The following HEATR5B variants were observed in gnomAD, a reference collection of about 807,000 sequenced individuals.
The protein encoded by HEATR5B is HEAT repeat-containing protein 5B.
A neutral mutation model predicts 224.1 loss-of-function variants in HEATR5B; 156 were observed. That is an observed-to-expected ratio of 0.70 (90% CI 0.61 to 0.80). The LOEUF (loss-of-function observed/expected upper bound fraction) is 0.80, where lower values mean the gene tolerates loss of function less well. Ranked by LOEUF, HEATR5B falls within the 30% of genes least tolerant of loss-of-function variation. The pLI, the probability that HEATR5B is intolerant of heterozygous loss-of-function variation, is 0.00. For missense variants in HEATR5B, 2,323 were observed against 2,535.5 expected (o/e 0.92, Z 1.80); for synonymous variants, 1,027 against 893.0 (o/e 1.15, Z -2.68).
At chr2:36,989,079 T>C (rs369802776) in intron 34 of HEATR5B, among the ~76,000 whole-genome samples, 1 of 152,146 alleles carries the variant, frequency 6.6e-6, no homozygotes, top group African/African-American at 2.4e-5. Context: ...GCTTATACAA[T>C]TCCTGTATTT....
intron 18 of HEATR5B, among the ~76,000 whole-genome samples, chr2:37,042,417 T>C (rs1482757293): frequency 6.6e-6 from 1 of 152,156 alleles, no homozygotes; most frequent in Non-Finnish European, 1.5e-5. Flanking sequence ...AGAACATCAG[T>C]TTGAAAAGTG....
chr2:36,982,216 C>CT (rs773023313), intron 35 of HEATR5B, among the ~76,000 whole-genome samples: 3 of 152,068 alleles, frequency 2.0e-5, no homozygotes, highest in Non-Finnish European at 4.4e-5. Context: ...TTTCTTTCCT[C>CT]TTTAAGTAGA....
At chr2:37,057,522 TTGTG>T in intron 14 of HEATR5B, 42 bp from the exon 15 acceptor site, 1 of 1,427,292 alleles carries the variant, frequency 7.0e-7, no homozygotes, top group Non-Finnish European at 9.5e-7. Context: ...AGAATAATTT[TTGTG>T]AAAATTATAA....
chr2:37,072,676 A>G (rs1410306457), intron 5 of HEATR5B, among the ~76,000 whole-genome samples: 2 of 152,192 alleles, frequency 1.3e-5, no homozygotes, highest in African/African-American at 2.4e-5. Flanking sequence ...GGAAACTAAC[A>G]AAGAATAGAA....
At chr2:37,038,917 G>C (rs2372916) in intron 20 of HEATR5B, among the ~76,000 whole-genome samples, 22,591 of 141,798 alleles carry the variant, frequency 0.16, 3,058 homozygotes, top group East Asian at 0.53. Flanking sequence ...TGGGGGGGGT[G>C]GGGAATCACA....
chr2:37,037,294 C>T (rs971911568), intron 21 of HEATR5B, among the ~76,000 whole-genome samples: 10 of 151,090 alleles, frequency 6.6e-5, no homozygotes, highest in East Asian at 3.9e-4. Flanking sequence ...TACAGGTGCA[C>T]GCCACCACGC....
intron 4 of HEATR5B, 173 bp from the exon 5 acceptor site, chr2:37,075,807 A>C (rs1672194343): frequency 4.6e-6 from 2 of 437,708 alleles, no homozygotes; most frequent in Admixed American, 4.1e-5. Flanking sequence ...GCAAGTAAGA[A>C]TAGTCAATTA....
At position 37,000,685 on chromosome 2, in the gene HEATR5B, C is replaced by T; in HGVS notation, c.5446G>A (p.Val1816Met). The change falls in exon 33 of 36, where the codon GTG (valine) becomes ATG (methionine). Residue 1816 changes from valine (V) to methionine (M), a missense_variant. Val to Met is a conservative substitution (Grantham distance 21). This residue lies in a region of HEATR5B where 844 missense variants were observed against 812.9 expected (regional missense o/e 1.04). Transcript: ENST00000233099. ...SAALQGIKSI[V>M]TLSMAKTEAG... ...TCAGTTTTGGCCATTGAAAGTGTCA[C>T]AATACTTTTAATCCCTTGAAGAGCT... The T allele has an allele frequency of 6.2e-7, 1 of 1,614,114 alleles. No individual in the cohort carries two copies. The highest frequency in any genetic ancestry group is 8.5e-7 in the Non-Finnish European group (1 of 1,179,968).
intron 33 of HEATR5B, among the ~76,000 whole-genome samples, chr2:36,999,841 G>A (rs1477911373): frequency 1.3e-5 from 2 of 151,674 alleles, no homozygotes; most frequent in Admixed American, 6.6e-5. Context: ...GTGAAACCAC[G>A]TCTTTATTAA....
In HEATR5B at chr2:37,049,789, G is replaced by C; in HGVS notation, c.2560C>G (p.Leu854Val). Residue 854 changes from leucine to valine, a missense_variant, in exon 18 of 36, where the codon CTG becomes GTG. Leu to Val is a conservative substitution (Grantham distance 32). Around this residue, in one of 12 missense-constraint regions of HEATR5B, gnomAD observed 170 missense variants for 216.7 expected, o/e 0.78. Transcript: ENST00000233099. ...LGPEEVRKSA[L>V]TLVMGPLDNP... ...TCCAGAGGACCCATAACCAGTGTCA[G>C]GGCAGATTTACGAACTTCCTCAGGT... 1 of 1,608,338 alleles carries C rather than the reference G, an allele frequency of 6.2e-7. No homozygotes were observed. The highest frequency in any genetic ancestry group is 8.5e-7 in the Non-Finnish European group (1 of 1,178,874).
chr2:37,055,757 C>T (rs933210248), intron 16 of HEATR5B, among the ~76,000 whole-genome samples: 2 of 152,212 alleles, frequency 1.3e-5, no homozygotes, highest in African/African-American at 2.4e-5. Context: ...AGCCACCACA[C>T]CAGACCCAAC....
chr2:37,068,867 G>C lies in HEATR5B; in HGVS notation c.991C>G (p.Leu331Val), dbSNP rs774775618. 4.7e-5 allele frequency: 76 copies of C among 1,614,010 alleles called. No homozygotes were observed. The highest frequency in any genetic ancestry group is 6.4e-5 in the Non-Finnish European group (75 of 1,180,020). ...QWLERSFATF[L>V]SHVLDLVSHP... Reference sequence around the variant, plus strand: ...GAAACCAGATCAAGTACATGGGACAGGAACGTGGCAAAGCTGCGCTCCAAC... The same window carrying C: ...GAAACCAGATCAAGTACATGGGACACGAACGTGGCAAAGCTGCGCTCCAAC... The change falls in exon 8 of 36, where the codon CTG (leucine) becomes GTG (valine). Residue 331 changes from leucine to valine, a missense_variant. By Grantham distance (32) the Leu-to-Val change is conservative. Coordinates refer to ENST00000233099, the MANE Select transcript of HEATR5B (RefSeq NM_019024.3).
At chr2:37,067,764 T>C (rs922973984) in intron 8 of HEATR5B, among the ~76,000 whole-genome samples, 59 of 152,314 alleles carry the variant, frequency 3.9e-4, no homozygotes, top group African/African-American at 1.3e-3. Flanking sequence ...AGAGCTAGAC[T>C]CTGTCTCAAA....
Position 37,057,384 on chromosome 2 carries a change from T to C in HEATR5B, c.2156A>G (p.His719Arg), listed in dbSNP as rs1437123592. The change falls in exon 15 of 36, where the codon CAT becomes CGT. Residue 719 changes from histidine to arginine, a missense_variant. His to Arg is a conservative substitution (Grantham distance 29). This residue lies in a region of HEATR5B where 5 missense variants were observed against 21.9 expected (regional missense o/e 0.23). Transcript: ENST00000233099. ...ACCAAGAAGAACACTATCATCATAATGGCAGAGGGATCTGAGGAGGGAAGT... is the reference window on the plus strand; with the variant it reads ...ACCAAGAAGAACACTATCATCATAACGGCAGAGGGATCTGAGGAGGGAAGT... ...TTTSLLRSLCHYDDSVLLGSW... is the reference protein window; with the variant it reads ...TTTSLLRSLCRYDDSVLLGSW... The C allele has an allele frequency of 6.2e-7, 1 of 1,612,940 alleles. No homozygotes were observed. The highest frequency in any genetic ancestry group is 8.5e-7 in the Non-Finnish European group (1 of 1,179,434).
chr2:37,073,459 G>C (rs548114067), intron 5 of HEATR5B, among the ~76,000 whole-genome samples: 1 of 152,248 alleles, frequency 6.6e-6, no homozygotes, highest in East Asian at 1.9e-4. Context: ...GGCCAGGCTG[G>C]TCTTAAACTC....
chr2:37,064,799 C>A lies in HEATR5B; in HGVS notation c.1525G>T (p.Ala509Ser). The change falls in exon 10 of 36, where the codon GCT becomes TCT. Residue 509 changes from alanine to serine, a missense_variant. This residue lies in a region of HEATR5B where 502 missense variants were observed against 517.8 expected (regional missense o/e 0.97). Transcript: ENST00000233099. ...EAVSGYSFAM[A>S]ALLGGVHQCP... ...TGATGTACTCCACCTAACAAAGCAG[C>A]CATTGCAAAACTATATCCACTGACA... 1 of 1,614,024 alleles carries A rather than the reference C, an allele frequency of 6.2e-7. No homozygotes were observed. The highest frequency in any genetic ancestry group is 1.7e-5 in the Admixed American group (1 of 59,988).
chr2:37,008,754 G>A lies in HEATR5B; in HGVS notation c.4379C>T (p.Thr1460Ile). 1 of 1,613,798 alleles carries A rather than the reference G, an allele frequency of 6.2e-7. No individual in the cohort carries two copies. Among genetic ancestry groups the A allele is most frequent in the Non-Finnish European group, 8.5e-7 (1 of 1,179,760 alleles). Residue 1460 changes from threonine to isoleucine, a missense_variant, in exon 28 of 36, where the codon ACC becomes ATC. Transcript: ENST00000233099. ...NTDDDDDDCGTIDELPPDSLI... is the reference protein window; with the variant it reads ...NTDDDDDDCGIIDELPPDSLI... The stretch of plus-strand genomic sequence containing the variant: ...ACTATCTGGTGGCAGTTCATCGATG[G>A]TACCACAGTCGTCATCATCATCGTC...
rs772793473 is a variant in HEATR5B at position 37,058,941 on chromosome 2, A to G, written c.1896T>C (p.Asp632=). 52 of 1,611,392 alleles carry G rather than the reference A, an allele frequency of 3.2e-5. No individual in the cohort carries two copies. The East Asian group carries it at 1.1e-3, about 34-fold the overall frequency. The part of the protein sequence containing the change: ...VAHCPELLTE[D]VIRKLMTPIE... ...TAGGGGTCATCAATTTTCGAATCAC[A>G]TCTTCAGTTAGTAGCTCAGGACAAT... The change falls in exon 13 of 36, where the codon GAT becomes GAC. Residue 632 remains aspartate (D), a synonymous_variant. Coordinates refer to ENST00000233099, the MANE Select transcript of HEATR5B (RefSeq NM_019024.3).
chr2:37,066,208 GA>G (rs1297435651), intron 8 of HEATR5B, among the ~76,000 whole-genome samples: 6 of 152,196 alleles, frequency 3.9e-5, no homozygotes, highest in Non-Finnish European at 8.8e-5. Flanking sequence ...ACTGCAGAAA[GA>G]AGACTCGGGT....
Sources: gnomAD v4.1 joint callset for allele counts (sites outside exome capture counted in the v4.1 genomes callset) on GRCh38, gnomAD v4.1.1 for gene constraint, gnomAD v4.1.1 regional missense constraint, MANE v1.5 for transcripts, NCBI Gene and HGNC (gene_info 2026-07-23, HGNC 2026-07-21) for gene names.